Variants in TRPC4 observed in about 807,000 individuals in gnomAD.
TRPC4 encodes short transient receptor potential channel 4.
A neutral mutation model predicts 99.4 loss-of-function variants in TRPC4; 49 were observed. The observed-to-expected ratio is 0.49, with a 90% confidence interval of 0.39 to 0.63. The LOEUF (loss-of-function observed/expected upper bound fraction) is 0.63. TRPC4 is among the 20% of genes least tolerant of loss of function. The probability of loss-of-function intolerance (pLI) is 0.00; values close to 1 mark genes in which losing one functional copy is unlikely to be tolerated. For synonymous variants in TRPC4, 454 were observed against 425.9 expected, an observed-to-expected ratio of 1.07 and a Z score of -0.81; for missense variants, 898 against 1,152.9, an observed-to-expected ratio of 0.78 and a Z score of 3.20.
At chr13:37,768,599 G>T (rs952970607) in intron 2 of TRPC4, among the ~76,000 whole-genome samples, 2 of 151,174 alleles carry the variant, frequency 1.3e-5, no homozygotes, top group Non-Finnish European at 3.0e-5. Flanking sequence ...AAGTTCTGTA[G>T]CAACCAGCTA....
At chr13:37,759,685 T>G (rs1221081760) in intron 2 of TRPC4, among the ~76,000 whole-genome samples, 1 of 151,864 alleles carries the variant, frequency 6.6e-6, no homozygotes, top group Non-Finnish European at 1.5e-5. Flanking sequence ...AATACAAATA[T>G]TTGTCCATCA....
rs76425675 is a variant in TRPC4, at chr13:37,846,450, G to T, written c.-28+23145C>A. Among the ~76,000 whole-genome samples, 1,356 of 152,020 alleles carry T rather than the reference G, an allele frequency of 8.9e-3. 35 individuals carry two copies. In the East Asian group the frequency reaches 0.1, roughly 11 times the overall value. On this transcript the variant is annotated intron_variant, in intron 1 of 10. Coordinates refer to ENST00000379705, the MANE Select transcript of TRPC4 (RefSeq NM_016179.4). ...ATTAAATTAATAAAAAGTATGTGTG[G>T]GGTTGTGAAAGTGTAGAGTCTTTAT... is the stretch of plus-strand genomic sequence containing the variant.
chr13:37,686,925 G>C (rs1953500807), intron 4 of TRPC4, among the ~76,000 whole-genome samples: 1 of 151,910 alleles, frequency 6.6e-6, no homozygotes, highest in African/African-American at 2.4e-5. Flanking sequence ...ATTTCCTGCT[G>C]TATTCATATG....
At chr13:37,768,481 A>C (rs1401352291) in intron 2 of TRPC4, among the ~76,000 whole-genome samples, 1 of 150,246 alleles carries the variant, frequency 6.7e-6, no homozygotes, top group Non-Finnish European at 1.5e-5. Flanking sequence ...TATCATACAG[A>C]TTTTTGAACT....
At chr13:37,819,263 A>G (rs1473634250) in intron 1 of TRPC4, among the ~76,000 whole-genome samples, 2 of 152,062 alleles carry the variant, frequency 1.3e-5, no homozygotes, top group African/African-American at 4.8e-5. Flanking sequence ...TGTGGAAAGC[A>G]GTGTGGCTAT....
intron 1 of TRPC4, among the ~76,000 whole-genome samples, chr13:37,854,321 C>G (rs1959130458): frequency 6.6e-6 from 1 of 152,036 alleles, no homozygotes; most frequent in Non-Finnish European, 1.5e-5. Flanking sequence ...AATAGTATAT[C>G]CAGCAAAACT....
chr13:37,812,673 TGAGA>T lies in TRPC4; in HGVS notation c.-27-29317_-27-29314del, dbSNP rs558611470. Among the ~76,000 whole-genome samples, 120 of 151,950 alleles carry T rather than the reference TGAGA, an allele frequency of 7.9e-4. 2 individuals are homozygous for T. Among genetic ancestry groups the T allele is most frequent in the Non-Finnish European group, 5.9e-4 (40 of 67,978 alleles). ...TAATATATATTTAATTAGTGCCTCT[TGAGA>T]GAGAGAAGGTTAAAAATATTTGAAA... is the stretch of plus-strand genomic sequence containing the variant. On this transcript the variant is annotated intron_variant, in intron 1 of 10. Coordinates refer to ENST00000379705, the MANE Select transcript of TRPC4 (RefSeq NM_016179.4).
At chr13:37,668,010 G>A (rs906330734) in intron 5 of TRPC4, among the ~76,000 whole-genome samples, 3 of 152,172 alleles carry the variant, frequency 2.0e-5, no homozygotes, top group Non-Finnish European at 4.4e-5. Context: ...TTTACAACAT[G>A]GTGAAGTCAT....
chr13:37,807,594 T>C (rs560216100), intron 1 of TRPC4, among the ~76,000 whole-genome samples: 1 of 152,140 alleles, frequency 6.6e-6, no homozygotes, highest in African/African-American at 2.4e-5. Context: ...CAATTCCTGT[T>C]CCTCTGTCAC....
intron 1 of TRPC4, among the ~76,000 whole-genome samples, chr13:37,865,495 A>G (rs1959680522): frequency 6.6e-6 from 1 of 151,658 alleles, no homozygotes; most frequent in African/African-American, 2.4e-5. Flanking sequence ...AGAATAAGAA[A>G]GGAAGTCATT....
At chr13:37,713,514 A>G (rs1479168753) in intron 3 of TRPC4, among the ~76,000 whole-genome samples, 2 of 152,148 alleles carry the variant, frequency 1.3e-5, no homozygotes, top group Non-Finnish European at 2.9e-5. Context: ...CATTATCTGA[A>G]TAACCAACAT....
At chr13:37,845,793 C>A (rs1023773240) in intron 1 of TRPC4, among the ~76,000 whole-genome samples, 4 of 152,044 alleles carry the variant, frequency 2.6e-5, no homozygotes, top group Non-Finnish European at 4.4e-5. Context: ...TGGGGAAAGA[C>A]AACAACATCC....
chr13:37,695,503 G>A (rs1259284830), intron 3 of TRPC4, among the ~76,000 whole-genome samples: 2 of 152,104 alleles, frequency 1.3e-5, no homozygotes, highest in South Asian at 2.1e-4. Flanking sequence ...TCCAGGACTG[G>A]GAGAAGCGAG....
At chr13:37,663,821 T>A in intron 5 of TRPC4, 92 bp from the exon 6 acceptor site, 1 of 1,182,402 alleles carries the variant, frequency 8.5e-7, no homozygotes, top group Non-Finnish European at 1.2e-6. Context: ...TATTAAATTT[T>A]GAACAAAATA....
At chr13:37,714,974 C>A (rs1004859815) in intron 3 of TRPC4, among the ~76,000 whole-genome samples, 2 of 152,172 alleles carry the variant, frequency 1.3e-5, no homozygotes, top group African/African-American at 4.8e-5. Flanking sequence ...TATAGGTACA[C>A]AAACAATATT....
At chr13:37,685,451 T>C (rs145234783) in intron 4 of TRPC4, among the ~76,000 whole-genome samples, 1 of 152,310 alleles carries the variant, frequency 6.6e-6, no homozygotes, top group East Asian at 1.9e-4. Flanking sequence ...TCATTTATTA[T>C]GATTAAGTGG....
intron 3 of TRPC4, among the ~76,000 whole-genome samples, chr13:37,693,784 TA>T (rs1201886015): frequency 6.6e-6 from 1 of 152,206 alleles, no homozygotes; most frequent in African/African-American, 2.4e-5. Flanking sequence ...TACTCATCAA[TA>T]TATATAGTGG....
At chr13:37,663,121 G>C (rs1566078101) in intron 6 of TRPC4, among the ~76,000 whole-genome samples, 1 of 152,026 alleles carries the variant, frequency 6.6e-6, no homozygotes, top group Non-Finnish European at 1.5e-5. Flanking sequence ...TAGTATATAG[G>C]CTACCTTTTT....
At chr13:37,727,171 C>G (rs1273230968) in intron 3 of TRPC4, among the ~76,000 whole-genome samples, 1 of 151,958 alleles carries the variant, frequency 6.6e-6, no homozygotes, top group Non-Finnish European at 1.5e-5. Flanking sequence ...CAGGGTAGAC[C>G]ACGTGTTAGG....
Sources: gnomAD v4.1 joint callset for allele counts (sites outside exome capture counted in the v4.1 genomes callset) on GRCh38, gnomAD v4.1.1 for gene constraint, MANE v1.5 for transcripts, NCBI Gene and HGNC (gene_info 2026-07-23, HGNC 2026-07-21) for gene names.